ERICH6B: variants seen among roughly 807,000 people sequenced by gnomAD.
ERICH6B encodes the protein glutamate rich 6B.
A neutral mutation model predicts 80.0 loss-of-function variants in ERICH6B; 69 were observed. The observed-to-expected ratio is 0.86, with a 90% CI of 0.71 to 1.05. The LOEUF is 1.05. Ranked by LOEUF, ERICH6B falls within the 50% of genes least tolerant of loss-of-function variation. The probability of loss-of-function intolerance (pLI) is 0.00; values close to 1 mark genes in which losing one functional copy is unlikely to be tolerated. For synonymous variants in ERICH6B, 283 were observed against 291.9 expected (o/e 0.97, Z 0.31); for missense variants, 754 against 796.1 (o/e 0.95, Z 0.64).
intron 5 of ERICH6B, among the ~76,000 whole-genome samples, chr13:45,584,241 A>G (rs957209430): frequency 6.6e-6 from 1 of 152,222 alleles, no homozygotes; most frequent in Admixed American, 6.5e-5. Flanking sequence ...GGATAGACAC[A>G]TGAGGCCATA....
At chr13:45,595,008 G>A (rs1876303706) in intron 3 of ERICH6B, among the ~76,000 whole-genome samples, 1 of 152,142 alleles carries the variant, frequency 6.6e-6, no homozygotes, top group African/African-American at 2.4e-5. Context: ...CCCAACATGA[G>A]GAAGTACTGC....
chr13:45,590,271 TG>T (rs1555305455), intron 4 of ERICH6B, among the ~76,000 whole-genome samples: 1 of 151,940 alleles, frequency 6.6e-6, no homozygotes, highest in Non-Finnish European at 1.5e-5. Flanking sequence ...CTTGGAAATA[TG>T]CCTGAGCCTA....
intron 5 of ERICH6B, among the ~76,000 whole-genome samples, chr13:45,582,903 A>C (rs1178940341): frequency 6.6e-6 from 1 of 152,182 alleles, no homozygotes; most frequent in Non-Finnish European, 1.5e-5. Context: ...ATTGGCTTCT[A>C]TTGATCTTAG....
intron 1 of ERICH6B, among the ~76,000 whole-genome samples, chr13:45,610,709 G>A (rs1246405176): frequency 6.6e-6 from 1 of 152,118 alleles, no homozygotes; most frequent in Non-Finnish European, 1.5e-5. Flanking sequence ...TTGTAACAAT[G>A]GTAAGAATTT....
chr13:45,610,264 C>T (rs1040487358), intron 1 of ERICH6B, among the ~76,000 whole-genome samples: 1 of 152,060 alleles, frequency 6.6e-6, no homozygotes, highest in Admixed American at 6.6e-5. Flanking sequence ...CCAACTACTC[C>T]TGTGGCCCAC....
intron 11 of ERICH6B, among the ~76,000 whole-genome samples, chr13:45,550,944 A>G (rs1874197461): frequency 6.6e-6 from 1 of 152,196 alleles, no homozygotes; most frequent in Non-Finnish European, 1.5e-5. Context: ...ATTCTGAAGC[A>G]CTGGGGGTTA....
In ERICH6B at chr13:45,554,371, T is replaced by C. The variant is rs145900041; in HGVS notation, c.1408-4055A>G. On this transcript the variant is annotated intron_variant, in intron 11 of 14. Transcript: ENST00000298738. The stretch of plus-strand genomic sequence containing the variant: ...TTTTCCTTTTTCATCCATCTGTTGA[T>C]AGAGACTTGGTTTAAAAAGTGCTTT... Among the ~76,000 whole-genome samples the C allele has an allele frequency of 8.9e-4, 136 of 152,352 alleles. 2 individuals carry two copies. In the East Asian group the frequency reaches 0.025, roughly 28 times the overall value.
At chr13:45,553,426 C>T (rs961763284) in intron 11 of ERICH6B, among the ~76,000 whole-genome samples, 4 of 152,268 alleles carry the variant, frequency 2.6e-5, no homozygotes, top group African/African-American at 9.6e-5. Context: ...CAGAATGCAA[C>T]ATTTAAGGTG....
Position 45,545,249 on chromosome 13 carries a change from A to T in ERICH6B, c.1647-264T>A, listed in dbSNP as rs113871302. 5.8e-3 allele frequency among the ~76,000 whole-genome samples: 884 copies of T among 152,138 alleles called. 10 individuals are homozygous for T. Among genetic ancestry groups the T allele is most frequent in the African/African-American group, 0.02 (837 of 41,490 alleles). On this transcript the variant is annotated intron_variant, in intron 13 of 14. Transcript: ENST00000298738. ...GGCTCTTCCTGCTCACAGCTTTGCCATGCTCTGCCCTCTGCCTGCAAAGTT... is the reference window on the plus strand; with the variant it reads ...GGCTCTTCCTGCTCACAGCTTTGCCTTGCTCTGCCCTCTGCCTGCAAAGTT...
chr13:45,585,587 G>A (rs772267150), intron 5 of ERICH6B, among the ~76,000 whole-genome samples: 10 of 152,098 alleles, frequency 6.6e-5, no homozygotes, highest in Non-Finnish European at 1.3e-4. Context: ...GTAACTGCAG[G>A]AAACTGGGGT....
intron 2 of ERICH6B, among the ~76,000 whole-genome samples, chr13:45,606,537 ATATATATATATTTTTT>A (rs1288970643): frequency 8.5e-4 from 11 of 12,918 alleles, no homozygotes; most frequent in East Asian, 1.8e-3. Flanking sequence ...ATATATATAT[ATATATATATATTTTTT>A]TTTTTTTTTT....
At chr13:45,547,963 G>T (rs1306775829) in intron 13 of ERICH6B, among the ~76,000 whole-genome samples, 1 of 152,130 alleles carries the variant, frequency 6.6e-6, no homozygotes, top group Non-Finnish European at 1.5e-5. Flanking sequence ...ATCTAGAAAT[G>T]GTCAGAATTG....
intron 1 of ERICH6B, among the ~76,000 whole-genome samples, chr13:45,608,921 G>A (rs987399247): frequency 1.8e-4 from 28 of 152,290 alleles, no homozygotes; most frequent in African/African-American, 6.7e-4. Flanking sequence ...GTGCTCAGAT[G>A]AAGAAGCTTG....
In ERICH6B at chr13:45,605,771, G is replaced by A. The variant is rs532162330; in HGVS notation, c.-59+1793C>T. On this transcript the variant is annotated intron_variant, in intron 2 of 14. Transcript: ENST00000298738. ...TTCTCCGTGATAAAGAAAGTAAAGA[G>A]GGGGAGAAGAGGAGGAGGGAGAAGT... is the stretch of plus-strand genomic sequence containing the variant. Among the ~76,000 whole-genome samples, 26 of 152,372 alleles carry A rather than the reference G, an allele frequency of 1.7e-4. 1 individual carries two copies. The South Asian group carries it at 4.3e-3, about 25-fold the overall frequency.
chr13:45,583,492 C>T (rs1195729616), intron 5 of ERICH6B, among the ~76,000 whole-genome samples: 1 of 152,156 alleles, frequency 6.6e-6, no homozygotes, highest in Non-Finnish European at 1.5e-5. Flanking sequence ...AATCTGAGTC[C>T]ACTGAAGGAA....
Position 45,550,290 on chromosome 13 carries a change from A to T in ERICH6B, c.1434T>A (p.Ile478=). ...TVVHQGDGKL[I]LYPNKNVYQI... is the part of the protein sequence containing the mutation. ...GATAGACATTCTTGTTGGGGTAGAG[A>T]ATTAATTTTCCATCACCTTGATGCA... Residue 478 remains isoleucine, a synonymous_variant, in exon 12 of 15, where the codon ATT becomes ATA. Transcript: ENST00000298738. 6.4e-7 allele frequency: 1 copy of T among 1,551,596 alleles called. No homozygotes were observed. Among genetic ancestry groups the T allele is most frequent in the East Asian group, 2.4e-5 (1 of 40,912 alleles).
Position 45,544,751 on chromosome 13 carries a change from T to A in ERICH6B, c.1872+9A>T. 1 of 1,551,410 alleles carries A rather than the reference T, an allele frequency of 6.4e-7. No homozygotes were observed. Among genetic ancestry groups the A allele is most frequent in the Non-Finnish European group, 8.7e-7 (1 of 1,146,788 alleles). ...ACCTGGTGGAGGGTATGGGGAGTTG[T>A]GACCTTACCTTGTACCTGGTGCCCA... On this transcript the variant is annotated intron_variant, in intron 14 of 14. Coordinates refer to ENST00000298738, the MANE Select transcript of ERICH6B (RefSeq NM_182542.3).
chr13:45,596,251 C>A, intron 3 of ERICH6B, 118 bp downstream of exon 3: 11 of 1,285,158 alleles, frequency 8.6e-6, no homozygotes, highest in East Asian at 2.5e-5. Context: ...AGTTACCATC[C>A]TTTGGGATGC....
At chr13:45,609,023 C>T (rs1432248011) in intron 1 of ERICH6B, among the ~76,000 whole-genome samples, 1 of 152,250 alleles carries the variant, frequency 6.6e-6, no homozygotes, top group Non-Finnish European at 1.5e-5. Context: ...TGTCCTGAAT[C>T]CGTTCTTCCT....
Sources: allele counts gnomAD v4.1 joint callset (sites outside exome capture counted in the v4.1 genomes callset), GRCh38; gene constraint gnomAD v4.1.1; transcripts MANE v1.5; gene names NCBI Gene and HGNC (gene_info 2026-07-23, HGNC 2026-07-21).